Variants in PIK3C2G observed in about 807,000 individuals in gnomAD.
The protein encoded by PIK3C2G is phosphatidylinositol 3-kinase C2 domain-containing subunit gamma.
PIK3C2G carries 168 observed loss-of-function variants against 181.1 expected under a neutral mutation model. The ratio of observed to expected loss-of-function variants is 0.93; its 90% CI spans 0.82 to 1.05. The LOEUF (loss-of-function observed/expected upper bound fraction) is 1.05. Ranked by LOEUF, PIK3C2G falls within the 50% of genes least tolerant of loss-of-function variation. PIK3C2G has a pLI of 0.00. For missense variants in PIK3C2G, 1,869 were observed against 1,732.8 expected, an observed-to-expected ratio of 1.08 and a Z score of -1.40; for synonymous variants, 573 against 592.2, an observed-to-expected ratio of 0.97 and a Z score of 0.47.
At chr12:18,286,988 T>C (rs1327975640) in intron 3 of PIK3C2G, 59 bp downstream of exon 3, 2 of 842,568 alleles carry the variant, frequency 2.4e-6, no homozygotes, top group Non-Finnish European at 3.8e-6. Flanking sequence ...ATTTGTGTAT[T>C]TTGACATCAC....
Position 18,648,036 on chromosome 12 carries a change from T to G in PIK3C2G, c.*8T>G, listed in dbSNP as rs781629859. 3.2e-6 allele frequency: 5 copies of G among 1,559,112 alleles called. No homozygotes were observed. In the Admixed American group the frequency reaches 9.1e-5, roughly 28 times the overall value. On this transcript the variant is annotated 3_prime_UTR_variant, in exon 33 of 33. Coordinates refer to ENST00000538779, the MANE Select transcript of PIK3C2G (RefSeq NM_001288772.2). Reference sequence around the variant, plus strand: ...GGAAACAGTATAATTTGACCATTGCTATGAACATATGCATTATTCATTAAC... The same window carrying G: ...GGAAACAGTATAATTTGACCATTGCGATGAACATATGCATTATTCATTAAC...
the PIK3C2G span, chr12:18,692,639 G>T: frequency 1.7e-6 from 1 of 605,060 alleles, no homozygotes; most frequent in Non-Finnish European, 2.9e-6. Context: ...GGGGCAGGAG[G>T]ACTAATTATG....
At chr12:18,599,056 TA>T in intron 30 of PIK3C2G, among the ~76,000 whole-genome samples, 1 of 152,006 alleles carries the variant, frequency 6.6e-6, no homozygotes, top group Non-Finnish European at 1.5e-5. Flanking sequence ...GGTGGGACTG[TA>T]AACTAGTTCA....
intron 16 of PIK3C2G, among the ~76,000 whole-genome samples, chr12:18,400,082 G>A (rs1052755016): frequency 1.5e-4 from 23 of 152,104 alleles, no homozygotes; most frequent in African/African-American, 5.6e-4. Flanking sequence ...TTTCTTAAAT[G>A]AGGATTCTAG....
the PIK3C2G span, among the ~76,000 whole-genome samples, chr12:18,657,689 G>A: frequency 2.0e-5 from 3 of 152,076 alleles, no homozygotes; most frequent in African/African-American, 2.4e-5. Context: ...ATAATAAGCA[G>A]CAACAACAAA....
At chr12:18,384,541 G>A (rs1943048348) in intron 14 of PIK3C2G, among the ~76,000 whole-genome samples, 2 of 152,160 alleles carry the variant, frequency 1.3e-5, no homozygotes, top group Admixed American at 1.3e-4. Context: ...AGAGTTTTGT[G>A]GATATAAATT....
chr12:18,689,243 G>C, the PIK3C2G span, among the ~76,000 whole-genome samples: 3 of 151,860 alleles, frequency 2.0e-5, no homozygotes, highest in African/African-American at 7.3e-5. Flanking sequence ...TCCCAAAATG[G>C]AGTAGGTTCA....
chr12:18,511,358 C>T (rs961320596), intron 24 of PIK3C2G, among the ~76,000 whole-genome samples: 10 of 152,118 alleles, frequency 6.6e-5, no homozygotes, highest in African/African-American at 1.7e-4. Context: ...CGAGATTATT[C>T]GGTCATACGG....
At chr12:18,652,749 A>G (rs1310452520), downstream of PIK3C2G, among the ~76,000 whole-genome samples, 1 of 152,140 alleles carries the variant, frequency 6.6e-6, no homozygotes, top group Non-Finnish European at 1.5e-5. Flanking sequence ...GGCTTTTTAC[A>G]TGTATATTTT....
At chr12:18,487,238 T>G (rs1940141908) in intron 18 of PIK3C2G, among the ~76,000 whole-genome samples, 2 of 151,894 alleles carry the variant, frequency 1.3e-5, no homozygotes, top group South Asian at 4.1e-4. Flanking sequence ...CTTCTAATAA[T>G]GACAAAGGAA....
At chr12:18,687,412 C>T in the PIK3C2G span, among the ~76,000 whole-genome samples, 5 of 152,254 alleles carry the variant, frequency 3.3e-5, no homozygotes, top group South Asian at 4.1e-4. Context: ...GTTCCAATGT[C>T]TCCTTCAAGG....
chr12:18,684,789 C>A, the PIK3C2G span, among the ~76,000 whole-genome samples: 1 of 152,090 alleles, frequency 6.6e-6, no homozygotes, highest in South Asian at 2.1e-4. Flanking sequence ...CAAATCTCAT[C>A]TTGAATTGTA....
chr12:18,301,886 T>C (rs1227677304), intron 5 of PIK3C2G, among the ~76,000 whole-genome samples: 1 of 152,248 alleles, frequency 6.6e-6, no homozygotes, highest in Non-Finnish European at 1.5e-5. Flanking sequence ...TTCCTACAGA[T>C]ACATCTATAG....
Position 18,488,514 on chromosome 12 carries a change from TC to T in PIK3C2G, c.2572del (p.Gln858AsnfsTer8), listed in dbSNP as rs1437655309. 1.3e-6 allele frequency: 2 copies of T among 1,585,874 alleles called. No individual in the cohort carries two copies. The highest frequency in any genetic ancestry group is 2.3e-5 in the South Asian group (2 of 86,408). On this transcript the variant is annotated frameshift_variant, in exon 19 of 33. Transcript: ENST00000538779. LOFTEE classifies it high-confidence loss of function. ...TGGTATCAGAAGCTACTAGCTGCTC[TC>T]CAATTCTGTGCAGGTAAAGCCTTGA... ...KSWYQKLLAALQFCAGKALND... is the reference protein window; with the variant it reads ...KSWYQKLLAAXQFCAGKALND...
intron 24 of PIK3C2G, among the ~76,000 whole-genome samples, chr12:18,521,439 C>T (rs1592480274): frequency 6.6e-6 from 1 of 152,208 alleles, no homozygotes; most frequent in Admixed American, 6.5e-5. Context: ...TGTCCCCAAG[C>T]CCCTGGCTGG....
chr12:18,459,961 C>T (rs1259816587), intron 18 of PIK3C2G, among the ~76,000 whole-genome samples: 2 of 152,162 alleles, frequency 1.3e-5, no homozygotes, highest in African/African-American at 4.8e-5. Flanking sequence ...GACGGGGTTT[C>T]ACTATGTTGA....
chr12:18,325,223 A>G (rs1178278560), intron 8 of PIK3C2G, 125 bp downstream of exon 8: 2 of 612,034 alleles, frequency 3.3e-6, no homozygotes, highest in Admixed American at 6.3e-5. Context: ...TACACTTGAA[A>G]GGCTTTCATT....
At chr12:18,478,479 C>A (rs1162698764) in intron 18 of PIK3C2G, among the ~76,000 whole-genome samples, 2 of 152,098 alleles carry the variant, frequency 1.3e-5, no homozygotes, top group African/African-American at 4.8e-5. Flanking sequence ...CCAATGCCAC[C>A]CACTGCCATT....
At chr12:18,491,033 C>T (rs1413581164) in intron 19 of PIK3C2G, among the ~76,000 whole-genome samples, 1 of 152,020 alleles carries the variant, frequency 6.6e-6, no homozygotes, top group Non-Finnish European at 1.5e-5. Context: ...ATGCACTATA[C>T]TATTGAGTGT....
Sources: allele counts gnomAD v4.1 joint callset (sites outside exome capture counted in the v4.1 genomes callset), GRCh38; gene constraint gnomAD v4.1.1; transcripts MANE v1.5; gene names NCBI Gene and HGNC (gene_info 2026-07-23, HGNC 2026-07-21).